KCNIP3: variants seen among roughly 807,000 people sequenced by gnomAD.
KCNIP3 encodes the protein potassium voltage-gated channel interacting protein 3.
A neutral mutation model predicts 35.0 loss-of-function variants in KCNIP3; 28 were observed. The ratio of observed to expected loss-of-function variants is 0.80; its 90% CI spans 0.59 to 1.10. The LOEUF (loss-of-function observed/expected upper bound fraction) is 1.10. Among genes scored for constraint, KCNIP3 ranks in the 50% least tolerant of loss-of-function variants. The probability of loss-of-function intolerance (pLI) is 0.00; values close to 1 mark genes in which losing one functional copy is unlikely to be tolerated. For synonymous variants in KCNIP3, 134 were observed against 133.8 expected (o/e 1.00, Z -0.01); for missense variants, 295 against 338.4 (o/e 0.87, Z 1.01).
intron 2 of KCNIP3, among the ~76,000 whole-genome samples, chr2:95,321,627 T>A (rs972573765): frequency 1.3e-5 from 2 of 152,220 alleles, no homozygotes; most frequent in Non-Finnish European, 2.9e-5. Flanking sequence ...ATGAGGGGAC[T>A]AACGAACGAC....
At chr2:95,321,689 G>T (rs1678602359) in intron 2 of KCNIP3, among the ~76,000 whole-genome samples, 1 of 152,150 alleles carries the variant, frequency 6.6e-6, no homozygotes, top group African/African-American at 2.4e-5. Flanking sequence ...GGGAACAAAA[G>T]GCACACAGAG....
Position 95,385,872 on chromosome 2 carries a change from C to T in KCNIP3, c.*1823C>T, listed in dbSNP as rs1233622313. On this transcript the variant is annotated 3_prime_UTR_variant, in exon 9 of 9. Coordinates refer to ENST00000295225, the MANE Select transcript of KCNIP3 (RefSeq NM_013434.5). Reference sequence around the variant, plus strand: ...AGGCCTCAGGAGAGCATCACCACCACACCCCTGCCGGCCTTGGCCTTGGGG... The same window carrying T: ...AGGCCTCAGGAGAGCATCACCACCATACCCCTGCCGGCCTTGGCCTTGGGG... 6.6e-6 allele frequency: 1 copy of T among 152,624 alleles called. No homozygotes were observed. The highest frequency in any genetic ancestry group is 1.5e-5 in the Non-Finnish European group (1 of 68,104). 9.5% of individuals were successfully genotyped at this position (152,624 alleles called of 1,614,324 possible).
chr2:95,306,872 G>A (rs1448567546), intron 1 of KCNIP3, among the ~76,000 whole-genome samples: 1 of 152,202 alleles, frequency 6.6e-6, no homozygotes, highest in East Asian at 1.9e-4. Flanking sequence ...AGGGTGCCTG[G>A]GCTGCTATTT....
chr2:95,333,121 CT>C (rs1678973523), intron 2 of KCNIP3, among the ~76,000 whole-genome samples: 2 of 152,216 alleles, frequency 1.3e-5, no homozygotes, highest in African/African-American at 4.8e-5. Context: ...CACGCTGCAG[CT>C]AGAGTGGTTG....
intron 2 of KCNIP3, among the ~76,000 whole-genome samples, chr2:95,335,850 C>G (rs1679048161): frequency 6.6e-6 from 1 of 152,146 alleles, no homozygotes; most frequent in East Asian, 1.9e-4. Context: ...CCCACATATC[C>G]TCCTTAAATT....
At chr2:95,304,949 C>T (rs1678133430) in intron 1 of KCNIP3, among the ~76,000 whole-genome samples, 1 of 152,190 alleles carries the variant, frequency 6.6e-6, no homozygotes, top group African/African-American at 2.4e-5. Context: ...AGCCTCTATC[C>T]TTCAGGGAAA....
chr2:95,381,797 C>T, intron 6 of KCNIP3, 94 bp downstream of exon 6: 1 of 852,010 alleles, frequency 1.2e-6, no homozygotes, highest in South Asian at 1.5e-5. Context: ...CTGCTGCCCA[C>T]CTGTCTTCTC....
At chr2:95,322,039 C>A (rs548594742) in intron 2 of KCNIP3, among the ~76,000 whole-genome samples, 2 of 152,236 alleles carry the variant, frequency 1.3e-5, no homozygotes, top group South Asian at 4.2e-4. Flanking sequence ...CTCTCTGAGC[C>A]TCAGTTTCCT....
Position 95,374,297 on chromosome 2 carries a change from T to C in KCNIP3, c.183T>C (p.Asp61=). 1 of 1,613,768 alleles carries C rather than the reference T, an allele frequency of 6.2e-7. No individual in the cohort carries two copies. ...TCTCTGGTCTGTGTCCCACTCCAGA[T>C]AGCAGCGACAGTGAGCTGGAGCTGT... ...ILSSTAPQGS[D]SSDSELELST... The change falls in exon 3 of 9, where the codon GAT becomes GAC. Residue 61 remains aspartate, a splice_region_variant and synonymous_variant. Transcript: ENST00000295225.
intron 2 of KCNIP3, among the ~76,000 whole-genome samples, chr2:95,316,004 GTCTC>G (rs1042663632): frequency 5.9e-5 from 9 of 152,204 alleles, no homozygotes; most frequent in African/African-American, 2.2e-4. Flanking sequence ...CACCTACTCT[GTCTC>G]TCTGTCTCTG....
intron 3 of KCNIP3, 59 bp downstream of exon 3, chr2:95,374,479 G>T: frequency 6.3e-7 from 1 of 1,586,316 alleles, no homozygotes; most frequent in Middle Eastern, 1.7e-4. Context: ...GGGAGACCTG[G>T]AAACTTCTCC....
In KCNIP3 at chr2:95,381,703, G is replaced by C. The variant is rs1355518931; in HGVS notation, c.555G>C (p.Glu185Asp). 1 of 1,602,242 alleles carries C rather than the reference G, an allele frequency of 6.2e-7. No homozygotes were observed. Among genetic ancestry groups the C allele is most frequent in the East Asian group, 2.2e-5 (1 of 44,770 alleles). ...DINKDGYITK[E>D]EMLAIMKSIY... ...ACAAGGATGGCTACATCACCAAAGA[G>C]GTAGTAGGGGGCTGGGGGCAGGGAT... is the stretch of plus-strand genomic sequence containing the variant. The change falls in exon 6 of 9, where the codon GAG (glutamate) becomes GAC (aspartate). Residue 185 changes from glutamate (E) to aspartate (D), a missense_variant and splice_region_variant. Transcript: ENST00000295225.
chr2:95,355,631 C>G (rs1476529072), intron 2 of KCNIP3, among the ~76,000 whole-genome samples: 1 of 152,072 alleles, frequency 6.6e-6, no homozygotes, highest in Non-Finnish European at 1.5e-5. Flanking sequence ...TTGCTGAGAA[C>G]GATGGTTTCC....
At chr2:95,328,568 A>G (rs1213007118) in intron 2 of KCNIP3, among the ~76,000 whole-genome samples, 1 of 152,204 alleles carries the variant, frequency 6.6e-6, no homozygotes, top group African/African-American at 2.4e-5. Context: ...GCGTGTACCC[A>G]TGTGTGTGGC....
Position 95,337,964 on chromosome 2 carries a change from G to A in KCNIP3, c.181+27444G>A, listed in dbSNP as rs148255606. Among the ~76,000 whole-genome samples the A allele has an allele frequency of 1.5e-3, 234 of 152,336 alleles. 1 individual carries two copies. Among genetic ancestry groups the A allele is most frequent in the Non-Finnish European group, 2.2e-3 (153 of 68,026 alleles). ...CACGGGGCTACAGTGTGGGAAACTGGAGGTGGTGGGGGAAGCAGGAGAACA... is the reference window on the plus strand; with the variant it reads ...CACGGGGCTACAGTGTGGGAAACTGAAGGTGGTGGGGGAAGCAGGAGAACA... On this transcript the variant is annotated intron_variant, in intron 2 of 8. Transcript: ENST00000295225.
intron 2 of KCNIP3, among the ~76,000 whole-genome samples, chr2:95,353,856 G>A (rs1461410177): frequency 3.3e-5 from 5 of 152,208 alleles, no homozygotes; most frequent in East Asian, 1.9e-4. Flanking sequence ...CTGCAGGGAC[G>A]TTTGGCAACG....
intron 2 of KCNIP3, among the ~76,000 whole-genome samples, chr2:95,342,548 A>G (rs919175094): frequency 2.0e-5 from 3 of 152,184 alleles, no homozygotes; most frequent in Admixed American, 6.5e-5. Flanking sequence ...TGATTGGTTC[A>G]TATGTCCGAA....
At chr2:95,318,199 A>T (rs1288547621) in intron 2 of KCNIP3, among the ~76,000 whole-genome samples, 1 of 152,134 alleles carries the variant, frequency 6.6e-6, no homozygotes, top group African/African-American at 2.4e-5. Flanking sequence ...GAGGGAGAGC[A>T]GATGGGGAGC....
chr2:95,320,600 C>T (rs980895028), intron 2 of KCNIP3, among the ~76,000 whole-genome samples: 4 of 152,054 alleles, frequency 2.6e-5, no homozygotes, highest in Non-Finnish European at 2.9e-5. Flanking sequence ...TCCCTGGGAG[C>T]ATCCCCTCCG....
Sources: allele counts gnomAD v4.1 joint callset (sites outside exome capture counted in the v4.1 genomes callset), GRCh38; gene constraint gnomAD v4.1.1; transcripts MANE v1.5; gene names NCBI Gene and HGNC (gene_info 2026-07-23, HGNC 2026-07-21).